NECAB1: variants seen among roughly 807,000 people sequenced by gnomAD.
NECAB1 encodes N-terminal EF-hand calcium binding protein 1.
In NECAB1, 29 loss-of-function variants were observed where a neutral mutation model predicts 57.5. The ratio of observed to expected loss-of-function variants is 0.50; its 90% CI spans 0.38 to 0.69. NECAB1 has a LOEUF of 0.69. NECAB1 is among the 30% of genes least tolerant of loss of function. The pLI is 0.00. For missense variants in NECAB1, 372 were observed against 413.8 expected, an observed-to-expected ratio of 0.90 and a Z score of 0.88; for synonymous variants, 142 against 147.7, an observed-to-expected ratio of 0.96 and a Z score of 0.28.
intron 3 of NECAB1, among the ~76,000 whole-genome samples, chr8:90,829,097 C>T (rs912170701): frequency 3.3e-5 from 5 of 152,000 alleles, no homozygotes. Flanking sequence ...TTTCCAGACT[C>T]ATTAAAGATG....
At chr8:90,830,914 G>A (rs190420479) in intron 3 of NECAB1, among the ~76,000 whole-genome samples, 200 of 152,202 alleles carry the variant, frequency 1.3e-3, no homozygotes, top group African/African-American at 4.6e-3. Flanking sequence ...TTTTGTAGTA[G>A]GCAAGAATTA....
At chr8:90,890,409 A>T (rs1809132228) in intron 5 of NECAB1, among the ~76,000 whole-genome samples, 1 of 152,168 alleles carries the variant, frequency 6.6e-6, no homozygotes, top group Non-Finnish European at 1.5e-5. Context: ...AGCAATGTGG[A>T]ACTGTGAGTC....
intron 2 of NECAB1, among the ~76,000 whole-genome samples, chr8:90,820,616 T>C (rs1369085179): frequency 6.6e-6 from 1 of 151,570 alleles, no homozygotes; most frequent in Non-Finnish European, 1.5e-5. Flanking sequence ...AGATCAGAGC[T>C]CTAGTTGTTG....
intron 10 of NECAB1, among the ~76,000 whole-genome samples, chr8:90,945,247 T>C (rs1239313816): frequency 1.3e-5 from 2 of 152,078 alleles, no homozygotes; most frequent in South Asian, 2.1e-4. Context: ...TTTTGTATTT[T>C]AGTAGAGACA....
intron 4 of NECAB1, among the ~76,000 whole-genome samples, chr8:90,877,406 G>A (rs984913090): frequency 6.6e-6 from 1 of 152,148 alleles, no homozygotes; most frequent in South Asian, 2.1e-4. Flanking sequence ...GCCCATAGTG[G>A]TCTCGAATTT....
chr8:90,889,530 C>T (rs1271604135), intron 5 of NECAB1, among the ~76,000 whole-genome samples: 1 of 152,150 alleles, frequency 6.6e-6, no homozygotes, highest in Admixed American at 6.5e-5. Flanking sequence ...GGTCAGGAAT[C>T]CAAGGGTGGC....
At position 90,791,936 on chromosome 8, in the gene NECAB1, A is replaced by T. The variant is rs1369354553; in HGVS notation, c.50A>T (p.Glu17Val). Residue 17 changes from glutamate (E) to valine (V), a missense_variant, in exon 1 of 13, where the codon GAG (glutamate) becomes GTG (valine). By Grantham distance (121) the Glu-to-Val change is moderately radical (BLOSUM62 -2). Transcript: ENST00000417640. The part of the protein sequence containing the change: ...TSPSSNNSSE[E>V]LSSALHLSKG... The stretch of plus-strand genomic sequence containing the variant: ...CCGTCCTCCAACAACTCCTCGGAGG[A>T]GCTCAGCTCTGCTCTGCACCTGTCC... The T allele has an allele frequency of 6.4e-7, 1 of 1,552,730 alleles. No individual in the cohort carries two copies. The highest frequency in any genetic ancestry group is 8.7e-7 in the Non-Finnish European group (1 of 1,147,630).
At chr8:90,916,923 G>A (rs1183902248) in intron 5 of NECAB1, among the ~76,000 whole-genome samples, 4 of 152,150 alleles carry the variant, frequency 2.6e-5, no homozygotes, top group African/African-American at 9.7e-5. Context: ...AAAGACATAA[G>A]CAGATTTAGT....
chr8:90,898,669 G>C (rs1211370135), intron 5 of NECAB1, among the ~76,000 whole-genome samples: 3 of 152,172 alleles, frequency 2.0e-5, no homozygotes. Context: ...ACTTAATTCA[G>C]TGTTTATTGA....
At position 90,958,536 on chromosome 8, in the gene NECAB1, T is replaced by C. The variant is rs2130293515; in HGVS notation, c.*3024T>C. 1 of 154,898 alleles carries C rather than the reference T, an allele frequency of 6.5e-6. No homozygotes were observed. Among genetic ancestry groups the C allele is most frequent in the South Asian group, 2.0e-4 (1 of 5,062 alleles). The allele number at this position is 154,898 out of a possible 1,614,324, so 9.6% of individuals were successfully genotyped here. On this transcript the variant is annotated 3_prime_UTR_variant, in exon 13 of 13. Coordinates refer to ENST00000417640, the MANE Select transcript of NECAB1 (RefSeq NM_022351.5). ...AACATTCTGAATCATTCTAAGCCTC[T>C]GGAGAGACTGTAATGATCCATTCAT...
chr8:90,803,447 T>G (rs1399711305), intron 2 of NECAB1, among the ~76,000 whole-genome samples: 1 of 152,166 alleles, frequency 6.6e-6, no homozygotes, highest in Non-Finnish European at 1.5e-5. Flanking sequence ...AAGCTCTGAT[T>G]TAGGTCCACC....
At chr8:90,917,681 A>C in intron 6 of NECAB1, 53 bp downstream of exon 6, 1 of 1,510,076 alleles carries the variant, frequency 6.6e-7, no homozygotes, top group East Asian at 2.3e-5. Context: ...TGTTCATGAA[A>C]AAACAATTGA....
intron 3 of NECAB1, among the ~76,000 whole-genome samples, chr8:90,850,132 A>C (rs768494697): frequency 3.3e-5 from 5 of 151,782 alleles, no homozygotes; most frequent in Non-Finnish European, 5.9e-5. Context: ...CAAGGAACAG[A>C]GAGAGAGATA....
At chr8:90,938,398 C>A (rs1439167456) in intron 9 of NECAB1, among the ~76,000 whole-genome samples, 4 of 152,172 alleles carry the variant, frequency 2.6e-5, no homozygotes, top group African/African-American at 7.2e-5. Context: ...TGGGATCCCA[C>A]ATTTTAGTAA....
intron 7 of NECAB1, among the ~76,000 whole-genome samples, chr8:90,926,354 A>G (rs1325815135): frequency 6.6e-6 from 1 of 152,202 alleles, no homozygotes; most frequent in Non-Finnish European, 1.5e-5. Context: ...ACTGTACTTG[A>G]AAGATTTCAG....
chr8:90,797,967 G>T (rs1811690350), intron 1 of NECAB1, among the ~76,000 whole-genome samples: 1 of 152,124 alleles, frequency 6.6e-6, no homozygotes, highest in East Asian at 1.9e-4. Flanking sequence ...TATCACAATA[G>T]AATGTACCCT....
At chr8:90,837,301 C>T (rs1046446358) in intron 3 of NECAB1, among the ~76,000 whole-genome samples, 3 of 152,158 alleles carry the variant, frequency 2.0e-5, no homozygotes, top group African/African-American at 7.2e-5. Flanking sequence ...CTTAAAACTC[C>T]AGATAGAACA....
chr8:90,943,607 G>GTGCTTGGCACAA (rs1345352938), intron 10 of NECAB1, among the ~76,000 whole-genome samples: 1 of 152,188 alleles, frequency 6.6e-6, no homozygotes, highest in African/African-American at 2.4e-5. Flanking sequence ...ATTGCCTAGT[G>GTGCTTGGCACAA]CTTGGCTGAG....
At chr8:90,926,612 G>A (rs1810277881) in intron 7 of NECAB1, among the ~76,000 whole-genome samples, 1 of 152,174 alleles carries the variant, frequency 6.6e-6, no homozygotes, top group African/African-American at 2.4e-5. Context: ...TCAGTTGGAT[G>A]TGGTTCCAGG....
Sources: gnomAD v4.1 joint callset for allele counts (sites outside exome capture counted in the v4.1 genomes callset) on GRCh38, gnomAD v4.1.1 for gene constraint, MANE v1.5 for transcripts, NCBI Gene and HGNC (gene_info 2026-07-23, HGNC 2026-07-21) for gene names.